Variants in MARCHF1 observed in about 807,000 individuals in gnomAD.
MARCHF1 encodes the protein membrane associated ring-CH-type finger 1.
In MARCHF1, 40 loss-of-function variants were observed where a neutral mutation model predicts 54.2. The ratio of observed to expected loss-of-function variants is 0.74; its 90% CI spans 0.57 to 0.96. The LOEUF (loss-of-function observed/expected upper bound fraction) is 0.96, where lower values mean the gene tolerates loss of function less well. Among genes scored for constraint, MARCHF1 ranks in the 40% least tolerant of loss-of-function variants. The probability of loss-of-function intolerance (pLI) is 0.00; values close to 1 mark genes in which losing one functional copy is unlikely to be tolerated. For missense variants in MARCHF1, 586 were observed against 656.5 expected, an observed-to-expected ratio of 0.89 and a Z score of 1.17; for synonymous variants, 236 against 236.3, an observed-to-expected ratio of 1.00 and a Z score of 0.01.
intron 2 of MARCHF1, among the ~76,000 whole-genome samples, chr4:164,082,072 A>T (rs1280897416): frequency 1.3e-5 from 2 of 152,176 alleles, no homozygotes; most frequent in Admixed American, 6.5e-5. Context: ...AGTGTTTTCC[A>T]AATTGCAAAA....
intron 2 of MARCHF1, among the ~76,000 whole-genome samples, chr4:164,083,259 A>G (rs1755134771): frequency 6.6e-6 from 1 of 152,016 alleles, no homozygotes; most frequent in Non-Finnish European, 1.5e-5. Context: ...ATGAGGGTGG[A>G]TATAGACAAC....
At chr4:164,221,150 T>A (rs1579634964) in intron 1 of MARCHF1, among the ~76,000 whole-genome samples, 2 of 152,184 alleles carry the variant, frequency 1.3e-5, no homozygotes, top group East Asian at 3.9e-4. Context: ...GTCTATGAAT[T>A]TGCTGAAGAA....
intron 1 of MARCHF1, among the ~76,000 whole-genome samples, chr4:164,377,885 A>G (rs1731243709): frequency 6.6e-6 from 1 of 152,306 alleles, no homozygotes. Flanking sequence ...AGTTAGCTGT[A>G]TTGCGTAGGA....
At chr4:163,539,384 C>A (rs1159016464) in intron 9 of MARCHF1, among the ~76,000 whole-genome samples, 1 of 152,198 alleles carries the variant, frequency 6.6e-6, no homozygotes, top group African/African-American at 2.4e-5. Context: ...GTAATAGTAT[C>A]TACCAATTTC....
At chr4:164,232,846 CT>C in intron 1 of MARCHF1, among the ~76,000 whole-genome samples, 1 of 152,152 alleles carries the variant, frequency 6.6e-6, no homozygotes, top group Non-Finnish European at 1.5e-5. Context: ...AGTTACACAA[CT>C]ACAAATGCCA....
chr4:163,879,915 A>C (rs2111240507), intron 3 of MARCHF1, among the ~76,000 whole-genome samples: 1 of 151,854 alleles, frequency 6.6e-6, no homozygotes, highest in East Asian at 1.9e-4. Flanking sequence ...GCTATTTAGA[A>C]ATTTTGCTTT....
chr4:163,944,788 T>C (rs1751992464), intron 3 of MARCHF1, among the ~76,000 whole-genome samples: 1 of 152,132 alleles, frequency 6.6e-6, no homozygotes, highest in African/African-American at 2.4e-5. Context: ...GAAATCCAAT[T>C]TTCTACGCTT....
At chr4:163,895,817 G>C (rs1750793717) in intron 3 of MARCHF1, among the ~76,000 whole-genome samples, 1 of 152,052 alleles carries the variant, frequency 6.6e-6, no homozygotes, top group South Asian at 2.1e-4. Flanking sequence ...CTATGACATG[G>C]GTAATGCACA....
chr4:163,645,711 G>T (rs1323888515), intron 5 of MARCHF1, among the ~76,000 whole-genome samples: 1 of 152,162 alleles, frequency 6.6e-6, no homozygotes, highest in African/African-American at 2.4e-5. Context: ...TCAATAGAGA[G>T]CTTCAGCAGC....
At chr4:163,560,258 TATAG>T (rs1181560693) in intron 8 of MARCHF1, among the ~76,000 whole-genome samples, 10 of 152,204 alleles carry the variant, frequency 6.6e-5, no homozygotes, top group Non-Finnish European at 1.2e-4. Context: ...TGGTGTGAGA[TATAG>T]ATAATTTTTT....
intron 2 of MARCHF1, among the ~76,000 whole-genome samples, chr4:164,015,900 CAAAAA>C (rs770216277): frequency 0.017 from 2,384 of 143,622 alleles, 50 homozygotes; most frequent in African/African-American, 0.056. Context: ...TAAGTTTCCC[CAAAAA>C]AAAAAAAAAC....
At chr4:164,199,961 G>C (rs1392765448) in intron 1 of MARCHF1, among the ~76,000 whole-genome samples, 1 of 152,086 alleles carries the variant, frequency 6.6e-6, no homozygotes, top group Non-Finnish European at 1.5e-5. Flanking sequence ...GGCTACTTTT[G>C]TGCCTATGTA....
chr4:164,199,632 TCA>T (rs376565727), intron 1 of MARCHF1, among the ~76,000 whole-genome samples: 3,685 of 113,834 alleles, frequency 0.032, 44 homozygotes, highest in East Asian at 0.056. Context: ...CAGGACTCTG[TCA>T]CACACACACA....
chr4:164,337,405 G>T (rs1407043674), intron 1 of MARCHF1, among the ~76,000 whole-genome samples: 1 of 152,250 alleles, frequency 6.6e-6, no homozygotes, highest in Non-Finnish European at 1.5e-5. Context: ...CCTGGGCTCT[G>T]CCCACAGGGA....
chr4:163,535,665 A>C (rs1738503145), intron 9 of MARCHF1, among the ~76,000 whole-genome samples: 1 of 152,122 alleles, frequency 6.6e-6, no homozygotes, highest in South Asian at 2.1e-4. Context: ...TATGCTAAGT[A>C]ACACAGTGGC....
chr4:163,807,104 A>C (rs79702623), intron 4 of MARCHF1, among the ~76,000 whole-genome samples: 4 of 152,134 alleles, frequency 2.6e-5, no homozygotes, highest in Non-Finnish European at 5.9e-5. Flanking sequence ...ACAGCACAAT[A>C]TTTGCTGAAG....
chr4:164,237,408 C>G (rs1286639318), intron 1 of MARCHF1, among the ~76,000 whole-genome samples: 5 of 152,018 alleles, frequency 3.3e-5, no homozygotes, highest in Non-Finnish European at 7.4e-5. Flanking sequence ...TATGCTGCTG[C>G]TTCTTTCTCT....
At chr4:164,215,134 G>A (rs1361296744) in intron 1 of MARCHF1, among the ~76,000 whole-genome samples, 1 of 152,126 alleles carries the variant, frequency 6.6e-6, no homozygotes, top group African/African-American at 2.4e-5. Context: ...TTCTTTCCTT[G>A]GTTTACCGGA....
chr4:163,544,795 G>A (rs960181160), intron 9 of MARCHF1, among the ~76,000 whole-genome samples: 2 of 152,062 alleles, frequency 1.3e-5, no homozygotes, highest in African/African-American at 2.4e-5. Context: ...AACTCAAAAT[G>A]TTACTATCTG....
Sources: allele counts gnomAD v4.1 joint callset (sites outside exome capture counted in the v4.1 genomes callset), GRCh38; gene constraint gnomAD v4.1.1; transcripts MANE v1.5; gene names NCBI Gene and HGNC (gene_info 2026-07-23, HGNC 2026-07-21).